GRAMD4: variants seen among roughly 807,000 people sequenced by gnomAD.
GRAMD4 encodes the protein GRAM domain containing 4, also known as GRAM domain-containing protein 4.
In GRAMD4, 25 loss-of-function variants were observed where a neutral mutation model predicts 83.9. That is an observed-to-expected ratio of 0.30 (90% CI 0.22 to 0.42). The LOEUF is 0.42. Ranked by LOEUF, GRAMD4 falls within the 10% of genes least tolerant of loss-of-function variation. The probability of loss-of-function intolerance (pLI) is 1.00; values close to 1 mark genes in which losing one functional copy is unlikely to be tolerated. For synonymous variants in GRAMD4, 336 were observed against 320.9 expected (o/e 1.05, Z -0.50); for missense variants, 593 against 788.7 (o/e 0.75, Z 2.97).
At chr22:46,612,535 T>C (rs138506) in intron 1 of GRAMD4, among the ~76,000 whole-genome samples, 121,247 of 152,206 alleles carry the variant, frequency 0.8, 49,006 homozygotes, top group East Asian at 1. Flanking sequence ...CAGCCCTCAT[T>C]CACCTGAGGC....
At chr22:46,673,111 T>G in intron 14 of GRAMD4, 114 bp downstream of exon 14, 1 of 844,088 alleles carries the variant, frequency 1.2e-6, no homozygotes, top group Non-Finnish European at 1.8e-6. Flanking sequence ...GTTTCTTCAA[T>G]TTTATAGACT....
At chr22:46,665,117 T>A (rs1268706165) in intron 8 of GRAMD4, among the ~76,000 whole-genome samples, 1 of 152,206 alleles carries the variant, frequency 6.6e-6, no homozygotes, top group Non-Finnish European at 1.5e-5. Flanking sequence ...CACTAAGAGA[T>A]GAGCCCAAGC....
chr22:46,586,907 C>A (rs967226975), intron 1 of GRAMD4, among the ~76,000 whole-genome samples: 10 of 151,852 alleles, frequency 6.6e-5, no homozygotes, highest in African/African-American at 2.4e-4. Context: ...TAGACCTTGG[C>A]CCCTGGGTGG....
rs573990973 is a variant in GRAMD4, at chr22:46,596,775, TC to T, written c.-50+19487del. On this transcript the variant is annotated intron_variant, in intron 1 of 1. Transcript: ENST00000431155. ...CATGTTAGCCAGGCTGGTCTTGAAC[TC>T]CTGACCTCAGGTAATCCATTGGCCT... 8.5e-3 allele frequency among the ~76,000 whole-genome samples: 1,295 copies of T among 152,338 alleles called. 19 individuals are homozygous for T. Among genetic ancestry groups the T allele is most frequent in the African/African-American group, 0.03 (1,239 of 41,584 alleles).
intron 3 of GRAMD4, among the ~76,000 whole-genome samples, chr22:46,647,700 T>C (rs766428010): frequency 2.0e-5 from 3 of 152,268 alleles, no homozygotes; most frequent in Non-Finnish European, 4.4e-5. Context: ...CTGTGACCTC[T>C]CTAGTCACTG....
intron 1 of GRAMD4, among the ~76,000 whole-genome samples, chr22:46,623,622 T>C (rs1317818094): frequency 6.6e-6 from 1 of 152,014 alleles, no homozygotes; most frequent in Non-Finnish European, 1.5e-5. Context: ...GGTCTCGATG[T>C]CCTGACCTCG....
intron 1 of GRAMD4, 51 bp from the exon 2 acceptor site, chr22:46,626,700 G>C: frequency 8.2e-7 from 1 of 1,225,654 alleles, no homozygotes. Context: ...GAGCTGGCTC[G>C]TGGGGCTTGG....
chr22:46,590,734 A>G (rs1176939590), intron 1 of GRAMD4, among the ~76,000 whole-genome samples: 1 of 152,232 alleles, frequency 6.6e-6, no homozygotes, highest in Non-Finnish European at 1.5e-5. Context: ...TTGTCTGAGG[A>G]CAGCTAAGGA....
intron 1 of GRAMD4, among the ~76,000 whole-genome samples, chr22:46,593,603 T>C (rs1029066829): frequency 2.0e-5 from 3 of 152,222 alleles, no homozygotes; most frequent in African/African-American, 7.2e-5. Flanking sequence ...GCTTGTGGGC[T>C]GAGACCTCTT....
chr22:46,614,365 G>T (rs771579127), intron 1 of GRAMD4, among the ~76,000 whole-genome samples: 1 of 152,230 alleles, frequency 6.6e-6, no homozygotes, highest in Non-Finnish European at 1.5e-5. Flanking sequence ...ACGTGCAGAT[G>T]AAGCTAAAAA....
At chr22:46,644,308 A>G (rs2082033794) in intron 3 of GRAMD4, among the ~76,000 whole-genome samples, 1 of 151,848 alleles carries the variant, frequency 6.6e-6, no homozygotes, top group South Asian at 2.1e-4. Context: ...GTTCCGTGTT[A>G]CACCTGCCCC....
Position 46,637,851 on chromosome 22 carries a change from G to A in GRAMD4, c.174G>A (p.Gly58=), listed in dbSNP as rs756956986. ...TGTTTTTCTTCTAGGCTGGTCCAGGGACCCTCATCATGGCCACAGGAGTCC... is the reference window on the plus strand; with the variant it reads ...TGTTTTTCTTCTAGGCTGGTCCAGGAACCCTCATCATGGCCACAGGAGTCC... ...SEELRDPAGP[G]TLIMATGVQD... The change falls in exon 3 of 19, where the codon GGG becomes GGA. Residue 58 remains glycine, a synonymous_variant. Coordinates refer to ENST00000406902, the MANE Select transcript of GRAMD4 (RefSeq NM_015124.5). The A allele has an allele frequency of 1.2e-6, 2 of 1,613,966 alleles. No homozygotes were observed. The highest frequency in any genetic ancestry group is 1.7e-5 in the Admixed American group (1 of 60,006).
Position 46,655,521 on chromosome 22 carries a change from C to A in GRAMD4, c.284-2666C>A, listed in dbSNP as rs1453499220. ...ATCTGGGATCTTGGAAGAAAGAACCCCAGATGTGTAGGGGGTGAAGGGCCC... is the reference window on the plus strand; with the variant it reads ...ATCTGGGATCTTGGAAGAAAGAACCACAGATGTGTAGGGGGTGAAGGGCCC... On this transcript the variant is annotated intron_variant, in intron 3 of 18. Transcript: ENST00000406902. Among the ~76,000 whole-genome samples, 4 of 152,148 alleles carry A rather than the reference C, an allele frequency of 2.6e-5. No individual in the cohort carries two copies. The East Asian group carries it at 7.7e-4, about 29-fold the overall frequency.
intron 3 of GRAMD4, 37 bp from the exon 4 acceptor site, chr22:46,658,150 A>C: frequency 6.2e-7 from 1 of 1,612,394 alleles, no homozygotes; most frequent in Non-Finnish European, 8.5e-7. Flanking sequence ...TCGCGTGGAC[A>C]TGAGCGATGG....
At position 46,587,234 on chromosome 22, in the gene GRAMD4, G is replaced by A. The variant is rs1245004354; in HGVS notation, c.-50+9944G>A. Among the ~76,000 whole-genome samples the A allele has an allele frequency of 2.0e-5, 3 of 152,206 alleles. No individual in the cohort carries two copies. The East Asian group carries it at 5.8e-4, about 29-fold the overall frequency. On this transcript the variant is annotated intron_variant, in intron 1 of 1. Coordinates refer to the GRAMD4 transcript ENST00000431155. The stretch of plus-strand genomic sequence containing the variant: ...GTGCCCGCTGGGCTGTGATGAGCCA[G>A]TGATCTGGGGCTCCGGAGTAGAAGG...
chr22:46,581,747 C>T (rs1054953816), intron 1 of GRAMD4, among the ~76,000 whole-genome samples: 2 of 152,220 alleles, frequency 1.3e-5, no homozygotes, highest in African/African-American at 4.8e-5. Context: ...CAGGTTGCTG[C>T]GTGGTAGAGG....
At chr22:46,643,161 A>C (rs1462427042) in intron 3 of GRAMD4, among the ~76,000 whole-genome samples, 2 of 151,098 alleles carry the variant, frequency 1.3e-5, no homozygotes, top group South Asian at 4.2e-4. Flanking sequence ...CCATCCATCC[A>C]TCCATCCATC....
intron 2 of GRAMD4, among the ~76,000 whole-genome samples, chr22:46,635,901 A>G (rs2081878897): frequency 6.6e-6 from 1 of 152,060 alleles, no homozygotes; most frequent in African/African-American, 2.4e-5. Context: ...ACTGGAGAGA[A>G]ACAGCCCAGG....
At chr22:46,647,553 G>A (rs191506965) in intron 3 of GRAMD4, among the ~76,000 whole-genome samples, 67 of 152,244 alleles carry the variant, frequency 4.4e-4, no homozygotes, top group South Asian at 4.1e-4. Context: ...AGTCAGAGAG[G>A]GAGCCTGAAC....
Sources: gnomAD v4.1 joint callset for allele counts (sites outside exome capture counted in the v4.1 genomes callset) on GRCh38, gnomAD v4.1.1 for gene constraint, MANE v1.5 for transcripts, NCBI Gene and HGNC (gene_info 2026-07-23, HGNC 2026-07-21) for gene names.